SNRPN: variants seen among roughly 807,000 people sequenced by gnomAD.
SNRPN encodes the protein small nuclear ribonucleoprotein polypeptide N.
A neutral mutation model predicts 25.2 loss-of-function variants in SNRPN; 7 were observed. The ratio of observed to expected loss-of-function variants is 0.28; its 90% CI spans 0.16 to 0.52. The LOEUF is 0.52. Ranked by LOEUF, SNRPN falls within the 20% of genes least tolerant of loss-of-function variation. The probability of loss-of-function intolerance (pLI) is 0.96; values close to 1 mark genes in which losing one functional copy is unlikely to be tolerated. For missense variants in SNRPN, 196 were observed against 322.5 expected (o/e 0.61, Z 3.00); for synonymous variants, 124 against 110.6 (o/e 1.12, Z -0.76).
At chr15:24,870,896 T>A (rs966637230) in intron 1 of SNRPN, among the ~76,000 whole-genome samples, 3 of 151,834 alleles carry the variant, frequency 2.0e-5, no homozygotes, top group African/African-American at 7.3e-5. Context: ...TTCTTTGTTT[T>A]TTGAGATAGA....
chr15:24,964,332 T>G (rs925659523), intron 2 of SNRPN, among the ~76,000 whole-genome samples: 18 of 152,174 alleles, frequency 1.2e-4, no homozygotes, highest in Non-Finnish European at 8.8e-5. Context: ...TTCATTCTTT[T>G]TGAGACGGAG....
chr15:24,970,654 A>C (rs2076286186), intron 3 of SNRPN, among the ~76,000 whole-genome samples: 1 of 152,182 alleles, frequency 6.6e-6, no homozygotes, highest in Non-Finnish European at 1.5e-5. Context: ...ATCCAACTGG[A>C]TACCTACCTA....
chr15:24,862,759 C>G (rs2054107762), intron 1 of SNRPN, among the ~76,000 whole-genome samples: 1 of 150,782 alleles, frequency 6.6e-6, no homozygotes, highest in South Asian at 2.1e-4. Context: ...GGGGGGCCTT[C>G]AGGAGGAGGA....
chr15:24,949,555 G>A (rs2062106566), intron 3 of SNRPN, among the ~76,000 whole-genome samples: 7 of 152,122 alleles, frequency 4.6e-5, no homozygotes. Context: ...GGAAGCTGAG[G>A]TGGGAGGATT....
At position 24,872,840 on chromosome 15, in the gene SNRPN, C is replaced by G. The variant is rs1278022166; in HGVS notation, c.-578-13676C>G. Among the ~76,000 whole-genome samples the G allele has an allele frequency of 3.8e-5, 4 of 104,436 alleles. 1 individual carries two copies. Among genetic ancestry groups the G allele is most frequent in the Non-Finnish European group, 6.1e-5 (3 of 49,192 alleles). The allele number at this position is 104,436 out of a possible 152,430, so 68.5% of individuals were successfully genotyped here. A position where few individuals can be genotyped will look rare whatever the true frequency, so the allele number is the denominator to read the frequency against. On this transcript the variant is annotated intron_variant, in intron 1 of 11. Coordinates refer to the SNRPN transcript ENST00000400097. ...TGAGGCGGGCGGATCACACTGCACT[C>G]CAGCCTGGGTGACAGAGCGAGACTC... is the stretch of plus-strand genomic sequence containing the variant.
At chr15:24,976,469 A>G in intron 6 of SNRPN, 53 bp downstream of exon 6, 2 of 1,173,336 alleles carry the variant, frequency 1.7e-6, no homozygotes, top group Non-Finnish European at 2.5e-6. Context: ...ACATCATATT[A>G]TGTGAGATGT....
chr15:24,938,668 C>T (rs1243892808), intron 3 of SNRPN, among the ~76,000 whole-genome samples: 3 of 152,136 alleles, frequency 2.0e-5, no homozygotes, highest in African/African-American at 7.2e-5. Flanking sequence ...GGTCAGGAGG[C>T]AGAAGATAGG....
chr15:24,970,111 G>A (rs1444192462), intron 3 of SNRPN, among the ~76,000 whole-genome samples: 1 of 152,174 alleles, frequency 6.6e-6, no homozygotes, highest in Non-Finnish European at 1.5e-5. Flanking sequence ...TATATACGAA[G>A]TATACATTAC....
intron 1 of SNRPN, among the ~76,000 whole-genome samples, chr15:24,856,876 T>C (rs1351302295): frequency 6.6e-6 from 1 of 152,222 alleles, no homozygotes; most frequent in African/African-American, 2.4e-5. Context: ...TATTTAAAAA[T>C]ACATTCATAA....
intron 1 of SNRPN, among the ~76,000 whole-genome samples, chr15:24,866,029 G>A (rs576327299): frequency 6.6e-6 from 1 of 152,190 alleles, no homozygotes; most frequent in African/African-American, 2.4e-5. Flanking sequence ...TTTCTGCCTC[G>A]TAGTTTTATG....
chr15:24,958,266 C>A (rs1035910870), intron 1 of SNRPN, among the ~76,000 whole-genome samples: 1 of 151,860 alleles, frequency 6.6e-6, no homozygotes, highest in Admixed American at 6.6e-5. Flanking sequence ...TGTTTATCAG[C>A]GCCCTCTGTT....
At chr15:24,862,380 T>C (rs2054065489) in intron 1 of SNRPN, among the ~76,000 whole-genome samples, 1 of 150,530 alleles carries the variant, frequency 6.6e-6, no homozygotes, top group Admixed American at 6.6e-5. Context: ...GCAAAAAGGC[T>C]GGGCAGAATC....
At chr15:24,934,480 T>A (rs2061095846) in intron 3 of SNRPN, among the ~76,000 whole-genome samples, 1 of 152,132 alleles carries the variant, frequency 6.6e-6, no homozygotes, top group African/African-American at 2.4e-5. Context: ...TAGTTGTGAG[T>A]GATCGTCCTC....
At chr15:24,912,976 G>A (rs1595863925) in intron 2 of SNRPN, among the ~76,000 whole-genome samples, 1 of 152,092 alleles carries the variant, frequency 6.6e-6, no homozygotes, top group Non-Finnish European at 1.5e-5. Context: ...GTCTCGCTTT[G>A]TCGCCCAGGC....
intron 1 of SNRPN, among the ~76,000 whole-genome samples, chr15:24,960,043 TC>T (rs879444645): frequency 2.6e-5 from 4 of 152,008 alleles, no homozygotes; most frequent in Non-Finnish European, 4.4e-5. Context: ...GGTGGGTAGA[TC>T]ACCTGAGGGC....
chr15:24,972,613 C>A lies in SNRPN; in HGVS notation c.-143-1698C>A, dbSNP rs565296284. Among the ~76,000 whole-genome samples, 545 of 148,138 alleles carry A rather than the reference C, an allele frequency of 3.7e-3. 4 individuals carry two copies. Among genetic ancestry groups the A allele is most frequent in the Non-Finnish European group, 3.9e-3 (261 of 67,008 alleles). The stretch of plus-strand genomic sequence containing the variant: ...GGCTGGAGTGCAATGGTGCGATCTC[C>A]GCTCAAAAAGATACTTTTGAATCCT... On this transcript the variant is annotated intron_variant, in intron 3 of 9. Coordinates refer to ENST00000390687, the MANE Select transcript of SNRPN (RefSeq NM_003097.6).
upstream of SNRPN, among the ~76,000 whole-genome samples, chr15:24,855,185 A>T (rs1393385733): frequency 6.6e-6 from 1 of 152,208 alleles, no homozygotes; most frequent in Non-Finnish European, 1.5e-5. Flanking sequence ...GATGCAACCT[A>T]TAATTGATGT....
intron 3 of SNRPN, among the ~76,000 whole-genome samples, chr15:24,943,793 C>T (rs2061709101): frequency 6.6e-6 from 1 of 152,056 alleles, no homozygotes; most frequent in Admixed American, 6.6e-5. Context: ...CTGCTACTGA[C>T]ACTTCAAGCA....
At chr15:24,840,576 C>T (rs1866737131) in intron 2 of SNRPN, among the ~76,000 whole-genome samples, 1 of 152,176 alleles carries the variant, frequency 6.6e-6, no homozygotes, top group Non-Finnish European at 1.5e-5. Flanking sequence ...AAACCTGCTG[C>T]TGCAAAGGGT....
Sources: allele counts gnomAD v4.1 joint callset (sites outside exome capture counted in the v4.1 genomes callset), GRCh38; gene constraint gnomAD v4.1.1; transcripts MANE v1.5; gene names NCBI Gene and HGNC (gene_info 2026-07-23, HGNC 2026-07-21).